The following PTPRM variants were observed in gnomAD, a reference collection of about 807,000 sequenced individuals.
The protein encoded by PTPRM is protein tyrosine phosphatase receptor type M, also known as receptor-type tyrosine-protein phosphatase mu.
PTPRM carries 47 observed loss-of-function variants against 186.7 expected under a neutral mutation model. The observed-to-expected ratio is 0.25, with a 90% CI of 0.20 to 0.32. PTPRM has a LOEUF of 0.32. Ranked by LOEUF, PTPRM falls within the 10% of genes least tolerant of loss-of-function variation. PTPRM has a pLI of 1.00. For missense variants in PTPRM, 1,494 were observed against 1,865.0 expected, an observed-to-expected ratio of 0.80 and a Z score of 3.66; for synonymous variants, 668 against 674.9, an observed-to-expected ratio of 0.99 and a Z score of 0.16.
chr18:8,350,685 C>T (rs1396862087), intron 23 of PTPRM, among the ~76,000 whole-genome samples: 1 of 152,216 alleles, frequency 6.6e-6, no homozygotes, highest in Non-Finnish European at 1.5e-5. Context: ...CTGTCGAATC[C>T]AGAACAAAGC....
chr18:8,011,527 A>G (rs1268442665), intron 7 of PTPRM, among the ~76,000 whole-genome samples: 2 of 152,192 alleles, frequency 1.3e-5, no homozygotes, highest in African/African-American at 4.8e-5. Context: ...TCTGATACTT[A>G]TTCATTGCTC....
chr18:8,095,193 G>A (rs988457278), intron 11 of PTPRM, among the ~76,000 whole-genome samples: 1 of 152,130 alleles, frequency 6.6e-6, no homozygotes, highest in African/African-American at 2.4e-5. Context: ...GTAGGGATGA[G>A]GATGGGAACC....
chr18:8,221,030 T>C (rs1278132959), intron 14 of PTPRM, among the ~76,000 whole-genome samples: 2 of 152,144 alleles, frequency 1.3e-5, no homozygotes, highest in African/African-American at 4.8e-5. Flanking sequence ...CCTTGAAAAA[T>C]AGAGGCACTT....
intron 5 of PTPRM, among the ~76,000 whole-genome samples, chr18:7,942,674 T>C (rs569725165): frequency 2.4e-4 from 36 of 152,194 alleles, no homozygotes; most frequent in African/African-American, 7.5e-4. Flanking sequence ...GTCTGCATGA[T>C]CTTTCTGATG....
chr18:7,687,813 G>C (rs1028851955), intron 1 of PTPRM, among the ~76,000 whole-genome samples: 2 of 145,948 alleles, frequency 1.4e-5, no homozygotes, highest in Admixed American at 1.4e-4. Flanking sequence ...GAGTCTCACT[G>C]TGTCACCAGA....
At chr18:8,129,352 TTACTC>T (rs1369924335) in intron 13 of PTPRM, among the ~76,000 whole-genome samples, 5 of 152,232 alleles carry the variant, frequency 3.3e-5, no homozygotes, top group Non-Finnish European at 7.3e-5. Context: ...TTCTTTATCT[TTACTC>T]TGGTGACTAG....
intron 11 of PTPRM, among the ~76,000 whole-genome samples, chr18:8,101,097 G>A (rs987842100): frequency 3.3e-5 from 5 of 152,180 alleles, no homozygotes; most frequent in African/African-American, 7.2e-5. Context: ...GGCATTGTTG[G>A]TAGGACTGTT....
chr18:7,861,592 T>C (rs367906489), intron 2 of PTPRM, among the ~76,000 whole-genome samples: 1 of 152,192 alleles, frequency 6.6e-6, no homozygotes, highest in Non-Finnish European at 1.5e-5. Context: ...AATCAGACTT[T>C]GAAAGCTTCT....
At chr18:8,336,793 C>G (rs984408078) in intron 22 of PTPRM, among the ~76,000 whole-genome samples, 1 of 151,780 alleles carries the variant, frequency 6.6e-6, no homozygotes, top group African/African-American at 2.4e-5. Context: ...TGGTGAAACC[C>G]CATCTCTGCT....
intron 7 of PTPRM, among the ~76,000 whole-genome samples, chr18:8,043,531 G>A (rs2086823087): frequency 6.6e-6 from 1 of 151,968 alleles, no homozygotes; most frequent in Non-Finnish European, 1.5e-5. Context: ...GTGTACTGAT[G>A]CTGTTTTTTT....
At chr18:7,677,115 T>G (rs1185728139) in intron 1 of PTPRM, among the ~76,000 whole-genome samples, 4 of 152,226 alleles carry the variant, frequency 2.6e-5, no homozygotes, top group African/African-American at 4.8e-5. Context: ...TTTTCTCATC[T>G]TAAAATCTTT....
intron 14 of PTPRM, among the ~76,000 whole-genome samples, chr18:8,185,689 T>A (rs1184645590): frequency 6.6e-6 from 1 of 152,218 alleles, no homozygotes; most frequent in Non-Finnish European, 1.5e-5. Flanking sequence ...GTATATGAGT[T>A]GCATAAAAAC....
At chr18:8,008,709 G>T (rs1912509719) in intron 7 of PTPRM, among the ~76,000 whole-genome samples, 1 of 152,104 alleles carries the variant, frequency 6.6e-6, no homozygotes, top group Non-Finnish European at 1.5e-5. Context: ...AAAGAAAAGT[G>T]TTGCTGCAGG....
intron 7 of PTPRM, among the ~76,000 whole-genome samples, chr18:8,022,126 C>T (rs1484682575): frequency 3.3e-5 from 5 of 152,174 alleles, no homozygotes; most frequent in Non-Finnish European, 5.9e-5. Flanking sequence ...AGCCAGTTCT[C>T]TCTGCCCCTC....
At chr18:7,838,657 A>T (rs1178875085) in intron 2 of PTPRM, among the ~76,000 whole-genome samples, 2 of 152,196 alleles carry the variant, frequency 1.3e-5, no homozygotes, top group Non-Finnish European at 2.9e-5. Flanking sequence ...GCCTGTTGTA[A>T]GAACTCCCTG....
intron 7 of PTPRM, among the ~76,000 whole-genome samples, chr18:8,056,851 C>T (rs966386602): frequency 4.0e-5 from 6 of 151,714 alleles, no homozygotes; most frequent in Non-Finnish European, 8.8e-5. Context: ...TACAAGTCAG[C>T]AGTCTTACTT....
intron 1 of PTPRM, among the ~76,000 whole-genome samples, chr18:7,719,084 A>T (rs537658557): frequency 6.6e-6 from 1 of 152,322 alleles, no homozygotes; most frequent in African/African-American, 2.4e-5. Context: ...ATATGAAAAG[A>T]CACTTGCACA....
intron 1 of PTPRM, among the ~76,000 whole-genome samples, chr18:7,600,370 C>G (rs974179995): frequency 6.6e-6 from 1 of 152,194 alleles, no homozygotes; most frequent in Admixed American, 6.5e-5. Context: ...GAGCTCTGCG[C>G]AGCCAGAAAT....
chr18:8,101,501 A>G (rs1375102543), intron 11 of PTPRM, among the ~76,000 whole-genome samples: 1 of 152,184 alleles, frequency 6.6e-6, no homozygotes, highest in Non-Finnish European at 1.5e-5. Flanking sequence ...TGATAGATAA[A>G]TAATAATTAC....
Sources: allele counts gnomAD v4.1 joint callset (sites outside exome capture counted in the v4.1 genomes callset), GRCh38; gene constraint gnomAD v4.1.1; transcripts MANE v1.5; gene names NCBI Gene and HGNC (gene_info 2026-07-23, HGNC 2026-07-21).